Variants in SLC17A1 observed in about 807,000 individuals in gnomAD.
SLC17A1 encodes sodium-dependent phosphate transport protein 1.
SLC17A1 carries 51 observed loss-of-function variants against 53.5 expected under a neutral mutation model. That is an observed-to-expected ratio of 0.95 (90% CI 0.76 to 1.20). The LOEUF is 1.20. SLC17A1 is among the 50% of genes most tolerant of loss of function. The pLI is 0.00. For synonymous variants in SLC17A1, 179 were observed against 198.8 expected (o/e 0.90, Z 0.84); for missense variants, 538 against 568.2 (o/e 0.95, Z 0.54).
At chr6:25,828,712 T>G (rs1313755345) in intron 2 of SLC17A1, among the ~76,000 whole-genome samples, 1 of 152,148 alleles carries the variant, frequency 6.6e-6, no homozygotes, top group Non-Finnish European at 1.5e-5. Context: ...TTTTACATCA[T>G]CTTACCGAAT....
the SLC17A1 span, chr6:25,726,530 C>T: frequency 6.9e-6 from 11 of 1,603,246 alleles, no homozygotes; most frequent in Middle Eastern, 1.7e-4. Context: ...CCAGACATCT[C>T]CTCGCATCAA....
intron 3 of SLC17A1, among the ~76,000 whole-genome samples, chr6:25,821,460 A>T (rs1325027073): frequency 1.3e-5 from 2 of 152,194 alleles, no homozygotes; most frequent in Non-Finnish European, 2.9e-5. Flanking sequence ...CAGAAGATGA[A>T]GCAGAATGCT....
chr6:25,828,493 G>A (rs1052159176), intron 2 of SLC17A1, among the ~76,000 whole-genome samples: 2 of 152,064 alleles, frequency 1.3e-5, no homozygotes, highest in Middle Eastern at 3.4e-3. Context: ...TTTGTGTGGA[G>A]TGACATGTAT....
intron 6 of SLC17A1, among the ~76,000 whole-genome samples, chr6:25,818,145 C>G (rs1288679731): frequency 6.6e-6 from 1 of 152,166 alleles, no homozygotes; most frequent in Non-Finnish European, 1.5e-5. Flanking sequence ...ATTTGGCCAA[C>G]AGAAATTCCC....
chr6:25,822,762 A>C (rs1448536789), intron 3 of SLC17A1, among the ~76,000 whole-genome samples: 1 of 152,216 alleles, frequency 6.6e-6, no homozygotes, highest in Non-Finnish European at 1.5e-5. Flanking sequence ...ATAAATATTT[A>C]AGAATATAAT....
chr6:25,797,755 G>A (rs1030202567), intron 12 of SLC17A1, among the ~76,000 whole-genome samples: 5 of 151,854 alleles, frequency 3.3e-5, no homozygotes, highest in South Asian at 2.1e-4. Context: ...GCCCACCACC[G>A]CGCCTGGCTA....
chr6:25,812,986 A>G lies in SLC17A1; in HGVS notation c.742T>C (p.Ser248Pro). The G allele has an allele frequency of 1.2e-6, 2 of 1,613,960 alleles. No homozygotes were observed. The highest frequency in any genetic ancestry group is 1.7e-6 in the Non-Finnish European group (2 of 1,179,926). ...ITSSLVQQVS[S>P]SRQSLPIKAI... The stretch of plus-strand genomic sequence containing the variant: ...TTGATAGGCAGAGATTGTCTACTTG[A>G]ACTGACCTGGAGAGAAATTCATTAA... Residue 248 changes from serine to proline, a missense_variant, in exon 8 of 13, where the codon TCA (serine) becomes CCA (proline). Physicochemically the swap from Ser to Pro is moderately conservative, Grantham distance 74 (BLOSUM62 -1). Coordinates refer to ENST00000244527, the MANE Select transcript of SLC17A1 (RefSeq NM_005074.5).
chr6:25,788,122 T>C (rs1317844030), intron 12 of SLC17A1, among the ~76,000 whole-genome samples: 1 of 152,144 alleles, frequency 6.6e-6, no homozygotes, highest in African/African-American at 2.4e-5. Flanking sequence ...ACGAGTTAAA[T>C]GCTAGCCAGA....
intron 12 of SLC17A1, among the ~76,000 whole-genome samples, chr6:25,787,444 C>T (rs1269007223): frequency 6.6e-6 from 1 of 152,144 alleles, no homozygotes; most frequent in East Asian, 1.9e-4. Flanking sequence ...ATGTTGCCAC[C>T]TTGAAACCAT....
the SLC17A1 span, among the ~76,000 whole-genome samples, chr6:25,734,017 C>T: frequency 6.6e-6 from 1 of 151,882 alleles, no homozygotes; most frequent in South Asian, 2.1e-4. Context: ...GGTTTCACCA[C>T]GATGGTTAGG....
At chr6:25,727,204 C>G in the SLC17A1 span, 1 of 1,614,160 alleles carries the variant, frequency 6.2e-7, no homozygotes, top group Non-Finnish European at 8.5e-7. Context: ...ATTCAGACAG[C>G]AGTGCGCTTG....
chr6:25,744,397 A>C, the SLC17A1 span, among the ~76,000 whole-genome samples: 1 of 152,258 alleles, frequency 6.6e-6, no homozygotes, highest in African/African-American at 2.4e-5. Flanking sequence ...ACTTAATCTT[A>C]ATCTCTATAA....
At chr6:25,736,162 C>T in the SLC17A1 span, among the ~76,000 whole-genome samples, 1 of 152,126 alleles carries the variant, frequency 6.6e-6, no homozygotes, top group African/African-American at 2.4e-5. Context: ...AGATTCCACT[C>T]TCTGAGGACT....
intron 6 of SLC17A1, among the ~76,000 whole-genome samples, chr6:25,816,104 A>C (rs1056652549): frequency 6.6e-6 from 1 of 152,094 alleles, no homozygotes; most frequent in African/African-American, 2.4e-5. Context: ...ATAATATTCA[A>C]CTTCAGTAAA....
the SLC17A1 span, chr6:25,732,926 G>T: frequency 4.3e-6 from 1 of 234,188 alleles, no homozygotes; most frequent in Non-Finnish European, 8.4e-6. Flanking sequence ...TGAAATCAAA[G>T]GCCCTTTTCA....
chr6:25,823,725 CT>C (rs1016881183), intron 3 of SLC17A1, among the ~76,000 whole-genome samples: 2 of 151,926 alleles, frequency 1.3e-5, no homozygotes, highest in African/African-American at 4.8e-5. Flanking sequence ...ATATGTGCCC[CT>C]GTCACTGGCT....
At chr6:25,738,005 A>G in the SLC17A1 span, among the ~76,000 whole-genome samples, 3 of 152,228 alleles carry the variant, frequency 2.0e-5, no homozygotes, top group Non-Finnish European at 4.4e-5. Flanking sequence ...AGAAAAAGAA[A>G]TTAAGGGCAT....
At chr6:25,791,062 G>A (rs1378273387) in intron 12 of SLC17A1, among the ~76,000 whole-genome samples, 1 of 152,138 alleles carries the variant, frequency 6.6e-6, no homozygotes, top group Non-Finnish European at 1.5e-5. Flanking sequence ...AATGCAGGAA[G>A]CAAACTAATA....
chr6:25,771,518 G>A, the SLC17A1 span, among the ~76,000 whole-genome samples: 6 of 151,816 alleles, frequency 4.0e-5, no homozygotes, highest in African/African-American at 1.5e-4. Context: ...AGGGTGCAGT[G>A]AGCCAAGATC....
Sources: allele counts gnomAD v4.1 joint callset (sites outside exome capture counted in the v4.1 genomes callset), GRCh38; gene constraint gnomAD v4.1.1; transcripts MANE v1.5; gene names NCBI Gene and HGNC (gene_info 2026-07-23, HGNC 2026-07-21).